The following MTR variants were observed in gnomAD, a reference collection of about 807,000 sequenced individuals.
MTR encodes the protein 5-methyltetrahydrofolate-homocysteine methyltransferase, also known as methionine synthase.
In MTR, 84 loss-of-function variants were observed where a neutral mutation model predicts 154.8. That is an observed-to-expected ratio of 0.54 (90% CI 0.45 to 0.65). The LOEUF is 0.65. Ranked by LOEUF, MTR falls within the 30% of genes least tolerant of loss-of-function variation. MTR has a pLI of 0.00. For missense variants in MTR, 1,275 were observed against 1,570.2 expected (o/e 0.81, Z 3.18); for synonymous variants, 554 against 553.9 (o/e 1.00, Z 0.00).
At chr1:236,831,270 A>G (rs144773775) in intron 12 of MTR, among the ~76,000 whole-genome samples, 5 of 152,354 alleles carry the variant, frequency 3.3e-5, no homozygotes, top group African/African-American at 1.2e-4. Context: ...TTTTTACTTC[A>G]GTGTGATATA....
At chr1:236,847,832 G>A (rs1393656176) in intron 15 of MTR, among the ~76,000 whole-genome samples, 2 of 152,212 alleles carry the variant, frequency 1.3e-5, no homozygotes, top group Non-Finnish European at 2.9e-5. Flanking sequence ...TCCTGATGGA[G>A]TAAAGCTGCC....
chr1:236,857,446 A>G (rs1664272652), intron 18 of MTR, among the ~76,000 whole-genome samples: 1 of 152,216 alleles, frequency 6.6e-6, no homozygotes, highest in Non-Finnish European at 1.5e-5. Context: ...ACTTTGAATA[A>G]TGTCTCCCCC....
At chr1:236,894,867 A>G (rs752824141) in intron 30 of MTR, 83 of 421,318 alleles carry the variant, frequency 2.0e-4, no homozygotes, top group Non-Finnish European at 3.0e-4. Flanking sequence ...CATTTTCCTC[A>G]GTACCCCAAA....
At chr1:236,803,738 A>C (rs1338940690) in intron 2 of MTR, 96 bp downstream of exon 2, 3 of 1,186,068 alleles carry the variant, frequency 2.5e-6, no homozygotes, top group Non-Finnish European at 1.2e-6. Flanking sequence ...GCTCCGGAGA[A>C]TAAAGAATAA....
intron 30 of MTR, 144 bp downstream of exon 30, chr1:236,894,701 A>G (rs1030439378): frequency 2.0e-5 from 15 of 734,902 alleles, no homozygotes; most frequent in African/African-American, 2.0e-4. Context: ...TGGCTTTAAC[A>G]TTATACGTAT....
At chr1:236,816,337 C>T (rs1454902571) in intron 7 of MTR, 112 bp from the exon 8 acceptor site, 1 of 930,700 alleles carries the variant, frequency 1.1e-6, no homozygotes, top group Non-Finnish European at 1.8e-6. Context: ...TTCCACATTT[C>T]TTTTCCTTGT....
At position 236,822,806 on chromosome 1, in the gene MTR, A is replaced by G. The variant is rs1351376126; in HGVS notation, c.765-1313A>G. On this transcript the variant is annotated intron_variant, in intron 8 of 32. Coordinates refer to ENST00000366577, the MANE Select transcript of MTR (RefSeq NM_000254.3). ...AAGACAGTTTTATTTCTTCCTTTCC[A>G]ATCCGTATGTGTACCTTTTACTTTC... Among the ~76,000 whole-genome samples, 12 of 152,298 alleles carry G rather than the reference A, an allele frequency of 7.9e-5. No homozygotes were observed. In the East Asian group the frequency reaches 2.1e-3, roughly 27 times the overall value.
chr1:236,847,348 C>G (rs747298694), intron 15 of MTR, among the ~76,000 whole-genome samples: 6 of 152,198 alleles, frequency 3.9e-5, no homozygotes, highest in Non-Finnish European at 7.3e-5. Flanking sequence ...ATTAAAGAAT[C>G]TAGATGTCTT....
intron 6 of MTR, 102 bp from the exon 7 acceptor site, chr1:236,815,502 A>C: frequency 2.7e-6 from 3 of 1,129,732 alleles, no homozygotes; most frequent in Non-Finnish European, 4.0e-6. Context: ...TGTATATCTT[A>C]TCTGAAGAGG....
At chr1:236,852,467 T>G in intron 16 of MTR, 54 bp from the exon 17 acceptor site, 1 of 1,274,570 alleles carries the variant, frequency 7.8e-7, no homozygotes, top group Non-Finnish European at 1.1e-6. Flanking sequence ...AGAGATGTGA[T>G]TGCTGTTTTT....
At chr1:236,830,657 G>A (rs1207179086) in intron 12 of MTR, among the ~76,000 whole-genome samples, 1 of 152,164 alleles carries the variant, frequency 6.6e-6, no homozygotes, top group East Asian at 1.9e-4. Context: ...TGGCGGAGGA[G>A]TCACACAGAA....
chr1:236,803,165 G>A (rs1335127285), intron 1 of MTR, among the ~76,000 whole-genome samples: 3 of 152,172 alleles, frequency 2.0e-5, no homozygotes, highest in Non-Finnish European at 4.4e-5. Flanking sequence ...TTCCTCATCT[G>A]TAAAACAGGA....
intron 30 of MTR, 129 bp downstream of exon 30, chr1:236,894,686 G>A: frequency 2.4e-6 from 2 of 832,572 alleles, no homozygotes; most frequent in Non-Finnish European, 3.8e-6. Flanking sequence ...TGAGATGGAT[G>A]CTGCTGGCTT....
chr1:236,858,873 T>G (rs750851651), intron 18 of MTR, among the ~76,000 whole-genome samples: 2 of 152,226 alleles, frequency 1.3e-5, no homozygotes, highest in Non-Finnish European at 2.9e-5. Flanking sequence ...GTTCCTTTGC[T>G]GAATCTGCCC....
intron 2 of MTR, among the ~76,000 whole-genome samples, chr1:236,804,670 T>C (rs1660878124): frequency 6.6e-6 from 1 of 152,208 alleles, no homozygotes; most frequent in Non-Finnish European, 1.5e-5. Context: ...AAACTTAAAT[T>C]AGTTCTTATA....
chr1:236,819,946 C>T (rs1661824986), intron 8 of MTR: 2 of 1,118,642 alleles, frequency 1.8e-6, no homozygotes, highest in South Asian at 2.5e-5. Flanking sequence ...GGCCGCTTCA[C>T]TTCTGGAACC....
At chr1:236,874,135 C>T (rs975279364) in intron 23 of MTR, among the ~76,000 whole-genome samples, 3 of 152,072 alleles carry the variant, frequency 2.0e-5, no homozygotes, top group Non-Finnish European at 2.9e-5. Flanking sequence ...TATTCAAGTC[C>T]GGGAAATCAT....
intron 1 of MTR, 123 bp downstream of exon 1, chr1:236,795,860 G>C: frequency 6.8e-7 from 1 of 1,481,310 alleles, no homozygotes; most frequent in Non-Finnish European, 9.3e-7. Context: ...CCCGCGTGTG[G>C]GCGGCACCTT....
In MTR at chr1:236,899,600, T is replaced by C. The variant is rs1226792113; in HGVS notation, c.*1956T>C. ...AAGCCTTAGGGCAGGAAAGAATCTC[T>C]TGAGACATAAAGTAGTAATCATAAA... On this transcript the variant is annotated 3_prime_UTR_variant, in exon 33 of 33. Coordinates refer to ENST00000366577, the MANE Select transcript of MTR (RefSeq NM_000254.3). The C allele has an allele frequency of 1.3e-5, 2 of 152,238 alleles. No individual in the cohort carries two copies. The highest frequency in any genetic ancestry group is 2.9e-5 in the Non-Finnish European group (2 of 68,034). 9.4% of individuals were successfully genotyped at this position (152,238 alleles called of 1,614,324 possible).
Sources: gnomAD v4.1 joint callset for allele counts (sites outside exome capture counted in the v4.1 genomes callset) on GRCh38, gnomAD v4.1.1 for gene constraint, MANE v1.5 for transcripts, NCBI Gene and HGNC (gene_info 2026-07-23, HGNC 2026-07-21) for gene names.